LZTS1: variants seen among roughly 807,000 people sequenced by gnomAD.
LZTS1 encodes the protein leucine zipper tumor suppressor 1, also known as leucine zipper putative tumor suppressor 1.
A neutral mutation model predicts 45.8 loss-of-function variants in LZTS1; 31 were observed. That is an observed-to-expected ratio of 0.68 (90% CI 0.51 to 0.91). The LOEUF (loss-of-function observed/expected upper bound fraction) is 0.91, where lower values mean the gene tolerates loss of function less well. Among genes scored for constraint, LZTS1 ranks in the 40% least tolerant of loss-of-function variants. LZTS1 has a pLI of 0.00. For synonymous variants in LZTS1, 359 were observed against 357.3 expected, an observed-to-expected ratio of 1.00 and a Z score of -0.05; for missense variants, 821 against 788.9, an observed-to-expected ratio of 1.04 and a Z score of -0.49.
chr8:20,279,192 T>C (rs545960271), intron 1 of LZTS1, among the ~76,000 whole-genome samples: 1 of 152,344 alleles, frequency 6.6e-6, no homozygotes, highest in African/African-American at 2.4e-5. Context: ...CATTGTACAA[T>C]GGCAGACTGA....
intron 1 of LZTS1, among the ~76,000 whole-genome samples, chr8:20,258,641 T>C (rs1800160225): frequency 6.6e-6 from 1 of 152,222 alleles, no homozygotes; most frequent in Non-Finnish European, 1.5e-5. Context: ...GCCTACCTCA[T>C]AGGATCGTTA....
chr8:20,247,571 G>A lies in LZTS1; in HGVS notation c.*2151C>T, dbSNP rs969935237. Reference sequence around the variant, plus strand: ...GGGACTTTTGGCTTGTAGATTCCAGGTTTAAGCCTAGCTTGGGACTAAGAG... The same window carrying A: ...GGGACTTTTGGCTTGTAGATTCCAGATTTAAGCCTAGCTTGGGACTAAGAG... On this transcript the variant is annotated 3_prime_UTR_variant, in exon 4 of 4. Transcript: ENST00000381569. The A allele has an allele frequency of 6.5e-6, 1 of 152,866 alleles. No homozygotes were observed. The highest frequency in any genetic ancestry group is 2.4e-5 in the African/African-American group (1 of 41,474). 9.5% of individuals were successfully genotyped at this position (152,866 alleles called of 1,614,324 possible).
intron 1 of LZTS1, among the ~76,000 whole-genome samples, chr8:20,264,374 A>G (rs1800306021): frequency 6.6e-6 from 1 of 152,114 alleles, no homozygotes; most frequent in Non-Finnish European, 1.5e-5. Context: ...ACTAAGATTT[A>G]TTTTATTGGG....
chr8:20,299,596 T>C (rs891981188), intron 1 of LZTS1, among the ~76,000 whole-genome samples: 11 of 152,190 alleles, frequency 7.2e-5, no homozygotes, highest in African/African-American at 2.7e-4. Context: ...TGCAGAGTTT[T>C]TCAAACTTGA....
intron 1 of LZTS1, among the ~76,000 whole-genome samples, chr8:20,287,290 C>T (rs548441343): frequency 3.3e-5 from 5 of 152,250 alleles, no homozygotes; most frequent in African/African-American, 7.2e-5. Context: ...CACCCTTTCA[C>T]GGGGCCCAGC....
At chr8:20,268,133 A>AGCAG (rs1251675137) in intron 1 of LZTS1, among the ~76,000 whole-genome samples, 1 of 128,622 alleles carries the variant, frequency 7.8e-6, no homozygotes, top group Non-Finnish European at 1.6e-5. Flanking sequence ...AAGTCAAAAG[A>AGCAG]GCAGGTCCTT....
chr8:20,262,689 G>A (rs1800261135), intron 1 of LZTS1, among the ~76,000 whole-genome samples: 1 of 152,138 alleles, frequency 6.6e-6, no homozygotes, highest in African/African-American at 2.4e-5. Flanking sequence ...GGCAGGACCT[G>A]GAGACAAGAC....
chr8:20,285,014 C>T (rs1800763141), intron 1 of LZTS1, among the ~76,000 whole-genome samples: 3 of 152,192 alleles, frequency 2.0e-5, no homozygotes. Context: ...GAGCCCAGTT[C>T]CTTATCTCTG....
chr8:20,295,389 G>C (rs1235865738), intron 1 of LZTS1, among the ~76,000 whole-genome samples: 2 of 152,214 alleles, frequency 1.3e-5, no homozygotes, highest in African/African-American at 4.8e-5. Context: ...AAGCCCTGTA[G>C]ATTCCCTTGT....
chr8:20,291,654 T>C (rs750916584), intron 1 of LZTS1, among the ~76,000 whole-genome samples: 1 of 151,776 alleles, frequency 6.6e-6, no homozygotes, highest in Non-Finnish European at 1.5e-5. Flanking sequence ...AAAGTAAAGA[T>C]TGCCTTGCTG....
At chr8:20,263,489 C>T (rs962213774) in intron 1 of LZTS1, among the ~76,000 whole-genome samples, 1 of 152,206 alleles carries the variant, frequency 6.6e-6, no homozygotes, top group Non-Finnish European at 1.5e-5. Context: ...AACATTCATA[C>T]ATCCTGCTCT....
chr8:20,273,428 TGC>T (rs1365886767), intron 1 of LZTS1, among the ~76,000 whole-genome samples: 2 of 152,134 alleles, frequency 1.3e-5, no homozygotes, highest in Non-Finnish European at 2.9e-5. Context: ...AACATCCAAC[TGC>T]GCTTCCCTCG....
intron 1 of LZTS1, among the ~76,000 whole-genome samples, chr8:20,295,009 TG>T (rs1027921063): frequency 2.6e-4 from 39 of 152,028 alleles, no homozygotes; most frequent in African/African-American, 9.4e-4. Context: ...GAGCCTGGGT[TG>T]GGGGCCCCAA....
intron 3 of LZTS1, 136 bp downstream of exon 3, chr8:20,252,646 G>A (rs1356662706): frequency 6.3e-6 from 4 of 636,690 alleles, no homozygotes; most frequent in East Asian, 6.2e-5. Context: ...CCTTCTTTGG[G>A]TGATAAAGCC....
chr8:20,252,776 C>T lies in LZTS1; in HGVS notation c.1149+6G>A, dbSNP rs1333377162. On this transcript the variant is annotated splice_donor_region_variant and intron_variant, in intron 3 of 3. Transcript: ENST00000381569. ...ACCCAAACCCATGAGCCCTGTGTGG[C>T]CTCACCTCCCACTGGGTCTCCTCCA... The T allele has an allele frequency of 1.3e-6, 2 of 1,510,036 alleles. No individual in the cohort carries two copies. The highest frequency in any genetic ancestry group is 1.4e-5 in the African/African-American group (1 of 71,598). 93.5% of individuals were successfully genotyped at this position (1,510,036 alleles called of 1,614,324 possible).
chr8:20,293,232 T>C (rs1000399006), intron 1 of LZTS1, among the ~76,000 whole-genome samples: 10 of 152,218 alleles, frequency 6.6e-5, no homozygotes, highest in Non-Finnish European at 1.3e-4. Context: ...GCCGCCCCTC[T>C]GCCTCTGACT....
chr8:20,302,869 T>A (rs1320153845), intron 1 of LZTS1, among the ~76,000 whole-genome samples: 1 of 151,958 alleles, frequency 6.6e-6, no homozygotes, highest in Non-Finnish European at 1.5e-5. Flanking sequence ...AGCACAAGGC[T>A]CATTTGCTCC....
chr8:20,285,625 G>C (rs777688316), intron 1 of LZTS1, among the ~76,000 whole-genome samples: 1 of 152,168 alleles, frequency 6.6e-6, no homozygotes, highest in Non-Finnish European at 1.5e-5. Context: ...TCACAGACTT[G>C]ATAATCTAAA....
intron 2 of LZTS1, among the ~76,000 whole-genome samples, chr8:20,254,633 G>T (rs529868446): frequency 6.6e-6 from 1 of 152,302 alleles, no homozygotes; most frequent in East Asian, 1.9e-4. Context: ...GCTTCAGGGG[G>T]ACTGAGCGAT....
Sources: gnomAD v4.1 joint callset for allele counts (sites outside exome capture counted in the v4.1 genomes callset) on GRCh38, gnomAD v4.1.1 for gene constraint, MANE v1.5 for transcripts, NCBI Gene and HGNC (gene_info 2026-07-23, HGNC 2026-07-21) for gene names.